CEP112: variants seen among roughly 807,000 people sequenced by gnomAD.
CEP112 encodes centrosomal protein of 112 kDa.
A neutral mutation model predicts 153.0 loss-of-function variants in CEP112; 127 were observed. The ratio of observed to expected loss-of-function variants is 0.83; its 90% CI spans 0.72 to 0.96. The LOEUF (loss-of-function observed/expected upper bound fraction) is 0.96. Ranked by LOEUF, CEP112 falls within the 40% of genes least tolerant of loss-of-function variation. The pLI is 0.00. For missense variants in CEP112, 1,089 were observed against 1,101.2 expected, an observed-to-expected ratio of 0.99 and a Z score of 0.16; for synonymous variants, 358 against 374.4, an observed-to-expected ratio of 0.96 and a Z score of 0.51.
chr17:65,756,361 G>A (rs1292251922), intron 21 of CEP112, among the ~76,000 whole-genome samples: 2 of 141,310 alleles, frequency 1.4e-5, no homozygotes, highest in East Asian at 4.2e-4. Flanking sequence ...AGCTGAGATC[G>A]TGCCATTGCA....
intron 21 of CEP112, among the ~76,000 whole-genome samples, chr17:65,814,085 A>T (rs1039145652): frequency 3.3e-5 from 5 of 152,180 alleles, no homozygotes; most frequent in African/African-American, 1.2e-4. Context: ...AGATGAGAAG[A>T]CATGAAAAGT....
At chr17:65,763,355 A>G (rs184248393) in intron 21 of CEP112, among the ~76,000 whole-genome samples, 1 of 152,142 alleles carries the variant, frequency 6.6e-6, no homozygotes, top group East Asian at 1.9e-4. Context: ...TTGGTGTCTG[A>G]CATTAATTTG....
intron 17 of CEP112, among the ~76,000 whole-genome samples, chr17:65,969,239 G>A (rs1042889551): frequency 1.3e-5 from 2 of 151,944 alleles, no homozygotes; most frequent in Admixed American, 6.6e-5. Context: ...GCAGTACCAC[G>A]CCTGACTAGT....
At chr17:65,673,506 A>C (rs2047083287) in intron 24 of CEP112, among the ~76,000 whole-genome samples, 1 of 152,156 alleles carries the variant, frequency 6.6e-6, no homozygotes, top group South Asian at 2.1e-4. Flanking sequence ...CTTGCAATGC[A>C]ATGTGCATAG....
chr17:65,970,216 C>A (rs1207831264), intron 17 of CEP112, among the ~76,000 whole-genome samples: 2 of 114,248 alleles, frequency 1.8e-5, no homozygotes, highest in Admixed American at 1.1e-4. Context: ...GTCATGCATG[C>A]ATATACCATG....
chr17:65,969,986 G>T (rs147516096), intron 17 of CEP112, among the ~76,000 whole-genome samples: 2 of 152,020 alleles, frequency 1.3e-5, no homozygotes, highest in African/African-American at 2.4e-5. Context: ...CATATCACAC[G>T]CATGTTACAC....
At chr17:65,669,940 G>C (rs1363177553) in intron 24 of CEP112, among the ~76,000 whole-genome samples, 1 of 150,990 alleles carries the variant, frequency 6.6e-6, no homozygotes, top group East Asian at 1.9e-4. Context: ...ATAGAATTAT[G>C]CTGGGGTAAG....
intron 9 of CEP112, among the ~76,000 whole-genome samples, chr17:66,068,261 C>T (rs1017241381): frequency 4.0e-5 from 6 of 151,786 alleles, no homozygotes; most frequent in African/African-American, 1.5e-4. Context: ...TCCCATACAC[C>T]CAAAAGTCAG....
intron 19 of CEP112, among the ~76,000 whole-genome samples, chr17:65,906,884 G>A (rs190594508): frequency 3.3e-5 from 5 of 152,220 alleles, no homozygotes; most frequent in Admixed American, 2.0e-4. Flanking sequence ...TCTACTCAGC[G>A]TTATACCAAC....
rs1184375688 is a variant in CEP112 at position 65,689,171 on chromosome 17, T to C, written c.2655A>G (p.Ala885=). 1 of 1,613,682 alleles carries C rather than the reference T, an allele frequency of 6.2e-7. No homozygotes were observed. The highest frequency in any genetic ancestry group is 2.2e-5 in the East Asian group (1 of 44,880). ...ATTCTTTGTGTTGTAATTTTTTCTC[T>C]GCACATCGCACCTGATTAGAACGGT... The part of the protein sequence containing the change: ...LENRSNQVRC[A]EKKLQHKELE... Residue 885 remains alanine, a synonymous_variant, in exon 24 of 27, where the codon GCA becomes GCG. Transcript: ENST00000535342.
At chr17:65,657,462 G>A (rs2046119046) in intron 24 of CEP112, among the ~76,000 whole-genome samples, 3 of 152,178 alleles carry the variant, frequency 2.0e-5, no homozygotes, top group Non-Finnish European at 4.4e-5. Context: ...GTTGAAGAAC[G>A]TGAATATTTG....
intron 20 of CEP112, among the ~76,000 whole-genome samples, chr17:65,868,818 C>T (rs949743131): frequency 1.3e-5 from 2 of 152,106 alleles, no homozygotes; most frequent in African/African-American, 4.8e-5. Context: ...ATACAATATG[C>T]GTTTTAACAT....
chr17:65,889,599 T>G (rs2059395422), intron 20 of CEP112, among the ~76,000 whole-genome samples: 1 of 151,918 alleles, frequency 6.6e-6, no homozygotes, highest in Admixed American at 6.6e-5. Flanking sequence ...TTCTTCTAAT[T>G]CTCTTTCCCT....
chr17:65,694,332 GA>G (rs1264103883), intron 23 of CEP112, among the ~76,000 whole-genome samples: 1 of 152,182 alleles, frequency 6.6e-6, no homozygotes, highest in East Asian at 1.9e-4. Flanking sequence ...CTAGCCAAAA[GA>G]AAGTTCCAAA....
intron 21 of CEP112, among the ~76,000 whole-genome samples, chr17:65,801,961 G>C (rs2055306365): frequency 6.6e-6 from 1 of 152,088 alleles, no homozygotes; most frequent in Non-Finnish European, 1.5e-5. Flanking sequence ...CAATATTTTA[G>C]TATGGCAACT....
intron 21 of CEP112, among the ~76,000 whole-genome samples, chr17:65,803,617 T>C (rs949632798): frequency 1.8e-4 from 28 of 152,208 alleles, no homozygotes; most frequent in African/African-American, 6.8e-4. Flanking sequence ...GACTGCACTA[T>C]GTAATCAAGT....
chr17:66,158,373 G>A (rs2071537776), intron 4 of CEP112, among the ~76,000 whole-genome samples: 1 of 152,158 alleles, frequency 6.6e-6, no homozygotes, highest in Non-Finnish European at 1.5e-5. Context: ...AGCACTTTGG[G>A]AGGCCGAGGG....
Position 65,667,898 on chromosome 17 carries a change from CTT to C in CEP112, c.2697+21229_2697+21230del, listed in dbSNP as rs5821584. 5.7e-4 allele frequency among the ~76,000 whole-genome samples: 80 copies of C among 140,436 alleles called. No homozygotes were observed. In the Middle Eastern group the frequency reaches 0.011, roughly 19 times the overall value. 92.1% of individuals were successfully genotyped at this position (140,436 alleles called of 152,430 possible). A position where few individuals can be genotyped will look rare whatever the true frequency, so the allele number is the denominator to read the frequency against. On this transcript the variant is annotated intron_variant, in intron 24 of 26. Transcript: ENST00000535342. ...GACGACTGCGCCACTCCCTTGGGCA[CTT>C]TTTTTTTTTTTTTCGAGACTGAGTC...
At chr17:65,969,929 G>A (rs891453796) in intron 17 of CEP112, among the ~76,000 whole-genome samples, 1 of 152,028 alleles carries the variant, frequency 6.6e-6, no homozygotes, top group Non-Finnish European at 1.5e-5. Context: ...TATCACATGC[G>A]CTACAGGCAT....
Sources: allele counts gnomAD v4.1 joint callset (sites outside exome capture counted in the v4.1 genomes callset), GRCh38; gene constraint gnomAD v4.1.1; transcripts MANE v1.5; gene names NCBI Gene and HGNC (gene_info 2026-07-23, HGNC 2026-07-21).